The following MTCH1 variants were observed in gnomAD, a reference collection of about 807,000 sequenced individuals.
MTCH1 encodes the protein mitochondrial carrier homolog 1.
MTCH1 carries 23 observed loss-of-function variants against 49.3 expected under a neutral mutation model. The ratio of observed to expected loss-of-function variants is 0.47; its 90% CI spans 0.34 to 0.66. The LOEUF (loss-of-function observed/expected upper bound fraction) is 0.66, where lower values mean the gene tolerates loss of function less well. Among genes scored for constraint, MTCH1 ranks in the 30% least tolerant of loss-of-function variants. The probability of loss-of-function intolerance (pLI) is 0.01; values close to 1 mark genes in which losing one functional copy is unlikely to be tolerated. For missense variants in MTCH1, 397 were observed against 532.1 expected (o/e 0.75, Z 2.50); for synonymous variants, 229 against 215.2 (o/e 1.06, Z -0.56).
intron 2 of MTCH1, among the ~76,000 whole-genome samples, chr6:36,981,087 AC>A (rs145565969): frequency 1.9e-3 from 295 of 152,282 alleles, no homozygotes; most frequent in Non-Finnish European, 3.6e-3. Context: ...CCATTCTGTA[AC>A]CAACAGATGG....
intron 7 of MTCH1, 73 bp downstream of exon 7, chr6:36,975,585 C>G (rs1391962955): frequency 1.4e-6 from 2 of 1,465,930 alleles, no homozygotes; most frequent in South Asian, 1.1e-5. Flanking sequence ...CAGCTGCGGT[C>G]TGAGAGGTTG....
chr6:36,969,498 C>G, intron 11 of MTCH1: 1 of 1,080,732 alleles, frequency 9.3e-7, no homozygotes, highest in African/African-American at 1.7e-5. Flanking sequence ...CCCAAGAGCT[C>G]CAGCTACGGA....
At chr6:36,970,291 C>A (rs1763634292) in intron 10 of MTCH1, 115 bp downstream of exon 10, 24 of 1,489,666 alleles carry the variant, frequency 1.6e-5, no homozygotes, top group Non-Finnish European at 1.9e-5. Flanking sequence ...GCCTGGCAGG[C>A]CAAGCCTACA....
At chr6:36,978,196 C>T in intron 3 of MTCH1, 41 bp from the exon 4 acceptor site, 1 of 1,533,700 alleles carries the variant, frequency 6.5e-7, no homozygotes, top group Non-Finnish European at 9.0e-7. Context: ...AGCTACGCCT[C>T]TTCCATGGAA....
At position 36,977,208 on chromosome 6, in the gene MTCH1, G is replaced by A. The variant is rs761151722; in HGVS notation, c.692C>T (p.Ala231Val). 1 of 1,614,036 alleles carries A rather than the reference G, an allele frequency of 6.2e-7. No individual in the cohort carries two copies. The highest frequency in any genetic ancestry group is 1.1e-5 in the South Asian group (1 of 91,070). ...RCMVQFVGRE[A>V]KYSGVLSSIG... The stretch of plus-strand genomic sequence containing the variant: ...CCCAAGAGTTACCCACCTGTACTTG[G>A]CCTCCCGTCCCACAAACTGGACCAT... Residue 231 changes from alanine (A) to valine (V), a missense_variant, in exon 6 of 12, where the codon GCC becomes GTC. Transcript: ENST00000373627. This position sits in a 1 kb window ranked among gnomAD's most constrained non-coding sequence, Gnocchi z 5.4.
At chr6:36,974,727 C>T (rs1763805180) in intron 7 of MTCH1, among the ~76,000 whole-genome samples, 1 of 152,128 alleles carries the variant, frequency 6.6e-6, no homozygotes, top group South Asian at 2.1e-4. Flanking sequence ...CACACATGCA[C>T]CTACAAGTAG....
intron 2 of MTCH1, among the ~76,000 whole-genome samples, chr6:36,979,388 T>C (rs570435537): frequency 6.6e-6 from 1 of 152,320 alleles, no homozygotes; most frequent in Non-Finnish European, 1.5e-5. Context: ...TTTAAACATG[T>C]TTTAAATGGC....
At chr6:36,975,633 T>G in intron 7 of MTCH1, 25 bp downstream of exon 7, 1 of 1,612,140 alleles carries the variant, frequency 6.2e-7, no homozygotes. Context: ...CCGTGGCCAG[T>G]TATGGGGTGT....
At chr6:36,975,217 G>A (rs1248715593) in intron 7 of MTCH1, among the ~76,000 whole-genome samples, 1 of 152,202 alleles carries the variant, frequency 6.6e-6, no homozygotes, top group African/African-American at 2.4e-5. Flanking sequence ...AAATGTTAAC[G>A]GCAACAACTA....
intron 7 of MTCH1, among the ~76,000 whole-genome samples, chr6:36,974,966 G>A (rs1400717563): frequency 6.6e-6 from 1 of 152,172 alleles, no homozygotes; most frequent in Non-Finnish European, 1.5e-5. Context: ...GCTTCTGTCT[G>A]CACCTTATTC....
rs979748624 is a variant in MTCH1 at position 36,985,977 on chromosome 6, T to C, written c.197A>G (p.Asp66Gly). 3.2e-6 allele frequency: 5 copies of C among 1,547,084 alleles called. No individual in the cohort carries two copies. Among genetic ancestry groups the C allele is most frequent in the Non-Finnish European group, 3.5e-6 (4 of 1,146,158 alleles). ...AGACCCCAGGCCCCCTGACCCGCCA[T>C]CCATCCTGCGGGCCGAGGGCTGAGC... ...PAAQPSARRM[D>G]GGSGGLGSGD... The change falls in exon 1 of 12, where the codon GAT becomes GGT. Residue 66 changes from aspartate to glycine, a missense_variant. By Grantham distance (94) the Asp-to-Gly change is moderately conservative. Coordinates refer to ENST00000373627, the MANE Select transcript of MTCH1 (RefSeq NM_001271641.2).
At chr6:36,979,308 G>A (rs1325312494) in intron 2 of MTCH1, among the ~76,000 whole-genome samples, 1 of 152,208 alleles carries the variant, frequency 6.6e-6, no homozygotes, top group African/African-American at 2.4e-5. Context: ...GACCCTACCT[G>A]TGTGAGTTAG....
At chr6:36,975,764 C>A (rs375839256) in intron 6 of MTCH1, 47 bp from the exon 7 acceptor site, 89 of 1,577,092 alleles carry the variant, frequency 5.6e-5, no homozygotes, top group Non-Finnish European at 7.8e-5. Flanking sequence ...AGTCACCTAC[C>A]AGAAGCCCAC....
chr6:36,969,827 TTAAAA>T (rs1335666888), intron 11 of MTCH1: 4 of 1,513,628 alleles, frequency 2.6e-6, no homozygotes, highest in African/African-American at 2.8e-5. Flanking sequence ...ATGTATAATC[TTAAAA>T]TAAACCCACA....
rs1378850171 is a variant in MTCH1 at position 36,972,654 on chromosome 6, G to A, written c.904C>T (p.Gln302Ter). ...GACAAGTCCTTGTTCCAACCAACCTGGGAACCTGGATTCTGGTCGTTTCCC... is the reference window on the plus strand; with the variant it reads ...GACAAGTCCTTGTTCCAACCAACCTAGGAACCTGGATTCTGGTCGTTTCCC... ...GLGNDQNPGS[Q>*]FSQALAIRSY... is the part of the protein sequence containing the mutation. The change falls in exon 8 of 12, where the codon CAG (glutamine) becomes TAG (stop). Residue 302 changes from glutamine (Q) to a stop codon, truncating the protein, a stop_gained and splice_region_variant. Coordinates refer to ENST00000373627, the MANE Select transcript of MTCH1 (RefSeq NM_001271641.2). LOFTEE classifies it high-confidence loss of function. The surrounding 1 kb of genome is among the most constrained non-coding windows in gnomAD (Gnocchi z 4.1). 1 of 1,550,502 alleles carries A rather than the reference G, an allele frequency of 6.4e-7. No individual in the cohort carries two copies. Among genetic ancestry groups the A allele is most frequent in the South Asian group, 1.2e-5 (1 of 84,014 alleles).
At chr6:36,983,421 C>T (rs1175065470) in intron 1 of MTCH1, among the ~76,000 whole-genome samples, 1 of 152,288 alleles carries the variant, frequency 6.6e-6, no homozygotes, top group East Asian at 1.9e-4. Context: ...TTGGGAGTCC[C>T]ACTGACCCCA....
Position 36,982,568 on chromosome 6 carries a change from T to C in MTCH1, c.322-896A>G, listed in dbSNP as rs1415905782. 6.6e-6 allele frequency among the ~76,000 whole-genome samples: 1 copy of C among 152,132 alleles called. No individual in the cohort carries two copies. Among genetic ancestry groups the C allele is most frequent in the African/African-American group, 2.4e-5 (1 of 41,412 alleles). ...ATACCCGGCAAATTTTTTGTATTTT[T>C]AGTAGAGACGGGGTTTCTCCATGTT... is the stretch of plus-strand genomic sequence containing the variant. On this transcript the variant is annotated intron_variant, in intron 1 of 11. Coordinates refer to ENST00000373627, the MANE Select transcript of MTCH1 (RefSeq NM_001271641.2). The surrounding 1 kb of genome is among the most constrained non-coding windows in gnomAD (Gnocchi z 4.1).
chr6:36,976,143 CAA>C (rs1763872139), intron 6 of MTCH1, among the ~76,000 whole-genome samples: 1 of 152,078 alleles, frequency 6.6e-6, no homozygotes, highest in Non-Finnish European at 1.5e-5. Context: ...GGGTAGTAAG[CAA>C]AGAGAAGTAC....
Position 36,985,978 on chromosome 6 carries a change from C to T in MTCH1, c.196G>A (p.Asp66Asn). 1 of 1,547,338 alleles carries T rather than the reference C, an allele frequency of 6.5e-7. No individual in the cohort carries two copies. Reference protein sequence around the residue: ...PAAQPSARRMDGGSGGLGSGD... With the variant: ...PAAQPSARRMNGGSGGLGSGD... ...GACCCCAGGCCCCCTGACCCGCCAT[C>T]CATCCTGCGGGCCGAGGGCTGAGCC... The change falls in exon 1 of 12, where the codon GAT (aspartate) becomes AAT (asparagine). Residue 66 changes from aspartate to asparagine, a missense_variant. This residue lies in a region of MTCH1 where 145 missense variants were observed against 143.8 expected (regional missense o/e 1.01). Coordinates refer to ENST00000373627, the MANE Select transcript of MTCH1 (RefSeq NM_001271641.2).
Sources: gnomAD v4.1 joint callset for allele counts (sites outside exome capture counted in the v4.1 genomes callset) on GRCh38, gnomAD v4.1.1 for gene constraint, gnomAD v4.1.1 regional missense constraint, Gnocchi (gnomAD v3.1) non-coding constraint, MANE v1.5 for transcripts, NCBI Gene and HGNC (gene_info 2026-07-23, HGNC 2026-07-21) for gene names.